The following ADA2 variants were observed in gnomAD, a reference collection of about 807,000 sequenced individuals.
ADA2 encodes adenosine deaminase 2, also known as adenosine deaminase CECR1.
Under a neutral mutation model 44.2 loss-of-function variants are expected in ADA2, and 29 were observed. The observed-to-expected ratio is 0.66, with a 90% confidence interval of 0.49 to 0.89. The LOEUF (loss-of-function observed/expected upper bound fraction) is 0.89, where lower values mean the gene tolerates loss of function less well. Among genes scored for constraint, ADA2 ranks in the 40% least tolerant of loss-of-function variants. The pLI is 0.00. For missense variants in ADA2, 637 were observed against 644.8 expected, an observed-to-expected ratio of 0.99 and a Z score of 0.13; for synonymous variants, 215 against 234.9, an observed-to-expected ratio of 0.92 and a Z score of 0.77.
At chr22:17,220,672 C>T (rs2062516600), upstream of ADA2, among the ~76,000 whole-genome samples, 1 of 152,114 alleles carries the variant, frequency 6.6e-6, no homozygotes, top group South Asian at 2.1e-4. Context: ...GCACCCCACT[C>T]CTCCCCAGTC....
At chr22:17,184,255 C>T (rs1033979252) in intron 7 of ADA2, among the ~76,000 whole-genome samples, 2 of 152,090 alleles carry the variant, frequency 1.3e-5, no homozygotes, top group Non-Finnish European at 2.9e-5. Flanking sequence ...TGAGCCACCA[C>T]GCCCGGCCCC....
intron 4 of ADA2, chr22:17,199,416 T>TCCTCCCTCCCCTCCACTATCATCTTCC: frequency 2.3e-6 from 1 of 429,654 alleles, no homozygotes; most frequent in Non-Finnish European, 4.4e-6. Flanking sequence ...TCTCAGCGTC[T>TCCTCCCTCCCCTCCACTATCATCTTCC]CCTCCCTCCC....
chr22:17,203,794 G>A (rs376885721), intron 3 of ADA2, 21 bp from the exon 4 acceptor site: 101 of 1,579,248 alleles, frequency 6.4e-5, no homozygotes, highest in Non-Finnish European at 8.2e-5. Context: ...CACGAAGTGG[G>A]GAGTGGCAGA....
intron 2 of ADA2, among the ~76,000 whole-genome samples, chr22:17,208,069 G>A (rs1171915482): frequency 6.6e-6 from 1 of 151,958 alleles, no homozygotes; most frequent in East Asian, 1.9e-4. Flanking sequence ...CAGCAACTGG[G>A]GATGCTACTT....
At chr22:17,184,481 A>G (rs1412890524) in intron 7 of ADA2, among the ~76,000 whole-genome samples, 2 of 152,192 alleles carry the variant, frequency 1.3e-5, no homozygotes, top group Non-Finnish European at 2.9e-5. Flanking sequence ...GTGATTCACC[A>G]TCCGACAACC....
At chr22:17,199,674 G>A (rs1601449009) in intron 4 of ADA2, 17 of 1,601,172 alleles carry the variant, frequency 1.1e-5, no homozygotes, top group Admixed American at 1.7e-5. Flanking sequence ...AGCCCAGCGC[G>A]GTGAGGAAAG....
intron 4 of ADA2, among the ~76,000 whole-genome samples, chr22:17,194,179 C>T (rs554901213): frequency 2.6e-5 from 4 of 152,070 alleles, no homozygotes; most frequent in South Asian, 4.2e-4. Flanking sequence ...TGCCTGGGGG[C>T]GGGGGTTCAA....
In ADA2 at chr22:17,181,345, C is replaced by A; in HGVS notation, c.*138G>T. ...TTTCCAGAGGATGAATTTGCTCAGC[C>A]AGCCAAGTGCTTCTCACAGGGTCGC... is the stretch of plus-strand genomic sequence containing the variant. On this transcript the variant is annotated 3_prime_UTR_variant, in exon 10 of 10. Transcript: ENST00000399837. 1.5e-6 allele frequency: 1 copy of A among 677,044 alleles called. No individual in the cohort carries two copies. Among genetic ancestry groups the A allele is most frequent in the South Asian group, 1.7e-5 (1 of 58,930 alleles). The allele number at this position is 677,044 out of a possible 1,614,324, so 41.9% of individuals were successfully genotyped here.
chr22:17,192,067 AG>A (rs1320933561), intron 4 of ADA2, among the ~76,000 whole-genome samples: 4 of 151,992 alleles, frequency 2.6e-5, no homozygotes, highest in Non-Finnish European at 4.4e-5. Flanking sequence ...CCCACAAAAC[AG>A]TTTTATTTGT....
At chr22:17,218,926 G>A (rs1371682881) in intron 1 of ADA2, among the ~76,000 whole-genome samples, 1 of 152,204 alleles carries the variant, frequency 6.6e-6, no homozygotes, top group Non-Finnish European at 1.5e-5. Context: ...GAAGGCCGAG[G>A]CAGGCAGATC....
intron 4 of ADA2, 124 bp from the exon 5 acceptor site, chr22:17,191,934 C>A: frequency 1.0e-6 from 1 of 978,394 alleles, no homozygotes; most frequent in Admixed American, 2.8e-5. Context: ...TTCCCAGCCA[C>A]CCCTTCCCAG....
At position 17,182,031 on chromosome 22, in the gene ADA2, T is replaced by C. The variant is rs889058401; in HGVS notation, c.1240-9A>G. ...GACACCAGTTTCAGCACCTGCGCAA[T>C]AGGAGGGAAGGGAGAAAGATGAACT... On this transcript the variant is annotated splice_polypyrimidine_tract_variant and intron_variant, in intron 8 of 9. Transcript: ENST00000399837. 5 of 1,608,082 alleles carry C rather than the reference T, an allele frequency of 3.1e-6. No homozygotes were observed. Among genetic ancestry groups the C allele is most frequent in the Admixed American group, 1.7e-5 (1 of 59,692 alleles).
intron 4 of ADA2, chr22:17,193,319 A>C (rs2062144633): frequency 2.2e-6 from 1 of 448,488 alleles, no homozygotes; most frequent in African/African-American, 2.4e-5. Flanking sequence ...TAGACAGCTC[A>C]TGTCCCCTTT....
chr22:17,213,729 T>C (rs2062441455), intron 1 of ADA2: 1 of 243,644 alleles, frequency 4.1e-6, no homozygotes, highest in Non-Finnish European at 8.3e-6. Flanking sequence ...GAAGCGGCAA[T>C]GGAAAGGATC....
chr22:17,215,605 C>CAA (rs759504282), intron 1 of ADA2, among the ~76,000 whole-genome samples: 11,931 of 124,196 alleles, frequency 0.096, 547 homozygotes, highest in East Asian at 0.17. Context: ...GACTCCGTCT[C>CAA]AAAAAAAAAA....
At chr22:17,221,142 CAA>C (rs111835390), upstream of ADA2, among the ~76,000 whole-genome samples, 799 of 129,132 alleles carry the variant, frequency 6.2e-3, 4 homozygotes, top group Non-Finnish European at 0.01. Flanking sequence ...GATTTTGTCT[CAA>C]AAAAAAAAAA....
intron 5 of ADA2, among the ~76,000 whole-genome samples, 170 bp downstream of exon 5, chr22:17,191,513 G>A (rs569246488): frequency 5.9e-5 from 9 of 152,084 alleles, no homozygotes; most frequent in South Asian, 4.1e-4. Flanking sequence ...TTGGGTCACC[G>A]CACTTACCTA....
intron 4 of ADA2, among the ~76,000 whole-genome samples, chr22:17,201,754 C>G (rs940927936): frequency 6.6e-6 from 1 of 152,184 alleles, no homozygotes; most frequent in Non-Finnish European, 1.5e-5. Flanking sequence ...TAGGGCTGCT[C>G]TCCTCGAAAG....
intron 3 of ADA2, among the ~76,000 whole-genome samples, chr22:17,205,224 T>C (rs2062340986): frequency 6.6e-6 from 1 of 152,142 alleles, no homozygotes; most frequent in African/African-American, 2.4e-5. Context: ...TTCACCATGT[T>C]GGCCTGGCTG....
Sources: gnomAD v4.1 joint callset for allele counts (sites outside exome capture counted in the v4.1 genomes callset) on GRCh38, gnomAD v4.1.1 for gene constraint, MANE v1.5 for transcripts, NCBI Gene and HGNC (gene_info 2026-07-23, HGNC 2026-07-21) for gene names.